Variants in ADAMTS20 observed in about 807,000 individuals in gnomAD.
ADAMTS20 encodes the protein ADAM metallopeptidase with thrombospondin type 1 motif 20, also known as A disintegrin and metalloproteinase with thrombospondin motifs 20.
A neutral mutation model predicts 260.1 loss-of-function variants in ADAMTS20; 225 were observed. That is an observed-to-expected ratio of 0.87 (90% CI 0.78 to 0.97). The LOEUF is 0.97. Among genes scored for constraint, ADAMTS20 ranks in the 50% least tolerant of loss-of-function variants. ADAMTS20 has a pLI of 0.00. For synonymous variants in ADAMTS20, 802 were observed against 769.5 expected, an observed-to-expected ratio of 1.04 and a Z score of -0.70; for missense variants, 2,400 against 2,337.7, an observed-to-expected ratio of 1.03 and a Z score of -0.55.
In ADAMTS20 at chr12:43,476,992, TAAAA is replaced by T. The variant is rs3990496; in HGVS notation, c.1118-8291_1118-8288del. 1.9e-4 allele frequency among the ~76,000 whole-genome samples: 17 copies of T among 90,866 alleles called. 1 individual carries two copies. In the East Asian group the frequency reaches 2.2e-3, roughly 12 times the overall value. The allele number at this position is 90,866 out of a possible 152,430, so 59.6% of individuals were successfully genotyped here. A position where few individuals can be genotyped will look rare whatever the true frequency, so the allele number is the denominator to read the frequency against. Reference sequence around the variant, plus strand: ...CACATGTACCCTAAAACTTAAAGTATAAAAAAAAAAAAAAAAGTGTCAGACATGA... The same window carrying T: ...CACATGTACCCTAAAACTTAAAGTATAAAAAAAAAAAAGTGTCAGACATGA... On this transcript the variant is annotated intron_variant, in intron 7 of 38. Transcript: ENST00000389420.
At chr12:43,443,974 T>C in intron 15 of ADAMTS20, 91 bp from the exon 16 acceptor site, 1 of 933,430 alleles carries the variant, frequency 1.1e-6, no homozygotes, top group South Asian at 1.5e-5. Context: ...TCGAATAGCA[T>C]AGTCAGACTT....
intron 28 of ADAMTS20, among the ~76,000 whole-genome samples, chr12:43,414,093 AAG>A (rs1309775730): frequency 2.0e-5 from 3 of 152,208 alleles, no homozygotes; most frequent in Non-Finnish European, 4.4e-5. Context: ...GAAATTCATA[AAG>A]ATTATAAATT....
At chr12:43,358,335 T>G (rs943095284) in intron 37 of ADAMTS20, among the ~76,000 whole-genome samples, 1 of 152,244 alleles carries the variant, frequency 6.6e-6, no homozygotes, top group Non-Finnish European at 1.5e-5. Flanking sequence ...GCTTTACTTC[T>G]GTTCTTAGTC....
At chr12:43,409,601 C>CAAAAAAAAAAAAAAAAAAAAA (rs67474640) in intron 28 of ADAMTS20, among the ~76,000 whole-genome samples, 2 of 46,894 alleles carry the variant, frequency 4.3e-5, no homozygotes, top group African/African-American at 1.4e-4. Context: ...GACTCCGTCT[C>CAAAAAAAAAAAAAAAAAAAAA]AAAAAAAAAA....
At chr12:43,442,864 A>G (rs893571049) in intron 16 of ADAMTS20, among the ~76,000 whole-genome samples, 12 of 152,212 alleles carry the variant, frequency 7.9e-5, no homozygotes, top group Admixed American at 6.5e-5. Context: ...GGCATTTAGT[A>G]TATTCACGAT....
At chr12:43,492,109 G>C (rs1489074017) in intron 6 of ADAMTS20, among the ~76,000 whole-genome samples, 1 of 152,116 alleles carries the variant, frequency 6.6e-6, no homozygotes, top group Admixed American at 6.5e-5. Context: ...GGCCGGGCGC[G>C]GTGGCTCACG....
chr12:43,425,958 T>A (rs930522039), intron 27 of ADAMTS20, among the ~76,000 whole-genome samples: 1 of 152,156 alleles, frequency 6.6e-6, no homozygotes. Context: ...ATTAGTATCA[T>A]AATATATTTC....
chr12:43,406,153 T>C (rs1413141465), intron 28 of ADAMTS20, among the ~76,000 whole-genome samples: 1 of 152,198 alleles, frequency 6.6e-6, no homozygotes, highest in Non-Finnish European at 1.5e-5. Context: ...GGTTTTTCTT[T>C]AAACATCCAC....
intron 7 of ADAMTS20, among the ~76,000 whole-genome samples, chr12:43,478,565 T>TA: frequency 6.6e-6 from 1 of 152,158 alleles, no homozygotes; most frequent in Non-Finnish European, 1.5e-5. Flanking sequence ...AAAAGAAACA[T>TA]ACCTATATTA....
Position 43,376,420 on chromosome 12 carries a change from T to A in ADAMTS20, c.5126-90A>T, listed in dbSNP as rs531705436. 4.1e-6 allele frequency: 6 copies of A among 1,449,986 alleles called. No individual in the cohort carries two copies. In the African/African-American group the frequency reaches 8.5e-5, roughly 21 times the overall value. 89.8% of individuals were successfully genotyped at this position (1,449,986 alleles called of 1,614,324 possible). A position where few individuals can be genotyped will look rare whatever the true frequency, so the allele number is the denominator to read the frequency against. ...TAGAAATATTGCTACACTCTGAATA[T>A]CTGACACTTTGTTTTGTGGAGTGTG... On this transcript the variant is annotated intron_variant, in intron 33 of 38. Coordinates refer to ENST00000389420, the MANE Select transcript of ADAMTS20 (RefSeq NM_025003.5).
At chr12:43,370,975 C>T (rs1940095488) in intron 36 of ADAMTS20, among the ~76,000 whole-genome samples, 1 of 152,156 alleles carries the variant, frequency 6.6e-6, no homozygotes, top group African/African-American at 2.4e-5. Flanking sequence ...CTGCCTCCAA[C>T]CAACTCTATT....
intron 4 of ADAMTS20, among the ~76,000 whole-genome samples, chr12:43,500,204 T>C (rs1172547298): frequency 6.6e-6 from 1 of 152,100 alleles, no homozygotes; most frequent in African/African-American, 2.4e-5. Context: ...AATTTTTGTA[T>C]TTTTAGTAGA....
chr12:43,368,982 T>C (rs1244968550), intron 37 of ADAMTS20, among the ~76,000 whole-genome samples: 1 of 152,144 alleles, frequency 6.6e-6, no homozygotes, highest in Non-Finnish European at 1.5e-5. Flanking sequence ...ATCCGTTCCT[T>C]TGCCTTTTGA....
intron 38 of ADAMTS20, among the ~76,000 whole-genome samples, chr12:43,355,389 T>C (rs1318585886): frequency 3.3e-5 from 5 of 152,232 alleles, no homozygotes; most frequent in African/African-American, 4.8e-5. Flanking sequence ...CAAGAACTAG[T>C]TATGTGCAAC....
intron 3 of ADAMTS20, among the ~76,000 whole-genome samples, chr12:43,502,864 T>C (rs1470220639): frequency 6.6e-6 from 1 of 152,142 alleles, no homozygotes. Flanking sequence ...TTCTTTATAC[T>C]ACATGCGAAA....
In ADAMTS20 at chr12:43,376,223, G is replaced by C. The variant is rs375175126; in HGVS notation, c.5220+13C>G. The stretch of plus-strand genomic sequence containing the variant: ...TCAATGTTAAAATAAAAAAGGAACT[G>C]TTTTCATAATACCTTTATTATTCTT... On this transcript the variant is annotated intron_variant, in intron 34 of 38. Coordinates refer to ENST00000389420, the MANE Select transcript of ADAMTS20 (RefSeq NM_025003.5). The C allele has an allele frequency of 3.9e-6, 6 of 1,535,764 alleles. No individual in the cohort carries two copies. In the African/African-American group the frequency reaches 8.3e-5, roughly 21 times the overall value.
At chr12:43,375,086 C>T (rs749805829) in intron 36 of ADAMTS20, among the ~76,000 whole-genome samples, 5 of 147,720 alleles carry the variant, frequency 3.4e-5, no homozygotes, top group Non-Finnish European at 7.4e-5. Flanking sequence ...GCAGGAGAAT[C>T]GCTTGAACCC....
intron 28 of ADAMTS20, among the ~76,000 whole-genome samples, chr12:43,409,400 A>T (rs1313236922): frequency 2.0e-5 from 3 of 151,562 alleles, no homozygotes; most frequent in Admixed American, 1.3e-4. Context: ...CAGGAGATCG[A>T]GACCATCCCG....
At chr12:43,513,860 A>G (rs1267441031) in intron 3 of ADAMTS20, among the ~76,000 whole-genome samples, 3 of 148,000 alleles carry the variant, frequency 2.0e-5, no homozygotes, top group Non-Finnish European at 4.5e-5. Flanking sequence ...GAATTGAACA[A>G]TGAGAACACA....
Sources: gnomAD v4.1 joint callset for allele counts (sites outside exome capture counted in the v4.1 genomes callset) on GRCh38, gnomAD v4.1.1 for gene constraint, MANE v1.5 for transcripts, NCBI Gene and HGNC (gene_info 2026-07-23, HGNC 2026-07-21) for gene names.